DPYS: variants seen among roughly 807,000 people sequenced by gnomAD.
DPYS encodes the protein dihydropyrimidine amidohydrolase.
A neutral mutation model predicts 50.3 loss-of-function variants in DPYS; 39 were observed. That is an observed-to-expected ratio of 0.78 (90% confidence interval 0.60 to 1.01). The LOEUF (loss-of-function observed/expected upper bound fraction) is 1.01, where lower values mean the gene tolerates loss of function less well. Among genes scored for constraint, DPYS ranks in the 50% least tolerant of loss-of-function variants. The probability of loss-of-function intolerance (pLI) is 0.00; values close to 1 mark genes in which losing one functional copy is unlikely to be tolerated. For synonymous variants in DPYS, 245 were observed against 250.7 expected, an observed-to-expected ratio of 0.98 and a Z score of 0.22; for missense variants, 659 against 680.9, an observed-to-expected ratio of 0.97 and a Z score of 0.36.
Position 104,444,415 on chromosome 8 carries a change from A to C in DPYS, c.626T>G (p.Leu209Arg). 6.2e-7 allele frequency: 1 copy of C among 1,614,212 alleles called. No individual in the cohort carries two copies. Among genetic ancestry groups the C allele is most frequent in the South Asian group, 1.1e-5 (1 of 91,086 alleles). Residue 209 changes from leucine to arginine, a missense_variant, in exon 4 of 10, where the codon CTG (leucine) becomes CGG (arginine). Transcript: ENST00000351513. Reference sequence around the variant, plus strand: ...GTGGCCCTCAGGGCCTGTTATCCCCAGAGCCAACATCTTCTTTGCTCCCTA... The same window carrying C: ...GTGGCCCTCAGGGCCTGTTATCCCCCGAGCCAACATCTTCTTTGCTCCCTA... ...IAEGAKKMLALGITGPEGHEL... is the reference protein window; with the variant it reads ...IAEGAKKMLARGITGPEGHEL...
At chr8:104,438,443 G>T (rs1429123956) in intron 4 of DPYS, among the ~76,000 whole-genome samples, 2 of 152,214 alleles carry the variant, frequency 1.3e-5, no homozygotes, top group South Asian at 4.2e-4. Context: ...CTAAAATAAG[G>T]CATGCTTTTG....
At chr8:104,432,408 G>A (rs570826830) in intron 4 of DPYS, among the ~76,000 whole-genome samples, 1 of 152,306 alleles carries the variant, frequency 6.6e-6, no homozygotes, top group East Asian at 1.9e-4. Flanking sequence ...GGATCTGCAA[G>A]CAACGCTAAA....
At chr8:104,427,510 C>A (rs906101872) in intron 6 of DPYS, among the ~76,000 whole-genome samples, 2 of 151,890 alleles carry the variant, frequency 1.3e-5, no homozygotes, top group Non-Finnish European at 2.9e-5. Context: ...AACTCCTGAC[C>A]TCAAGTGATC....
At chr8:104,393,058 TAAAA>T (rs1811453311) in intron 7 of DPYS, 67 bp from the exon 8 acceptor site, 2 of 1,458,088 alleles carry the variant, frequency 1.4e-6, no homozygotes, top group Non-Finnish European at 1.9e-6. Flanking sequence ...TATAAAATAT[TAAAA>T]GAAGAATGAC....
chr8:104,457,675 T>C (rs984732525), intron 1 of DPYS, among the ~76,000 whole-genome samples: 4 of 152,214 alleles, frequency 2.6e-5, no homozygotes, highest in African/African-American at 9.6e-5. Context: ...CGTGGCTGAA[T>C]TTCTAGCTCT....
rs140224596 is a variant in DPYS at position 104,461,758 on chromosome 8, T to C, written c.264+4899A>G. 9.2e-5 allele frequency among the ~76,000 whole-genome samples: 14 copies of C among 152,290 alleles called. No individual in the cohort carries two copies. The East Asian group carries it at 2.7e-3, about 29-fold the overall frequency. On this transcript the variant is annotated intron_variant, in intron 1 of 9. Transcript: ENST00000351513. Reference sequence around the variant, plus strand: ...GAGACAGGCAGAAATTGAGGCCTGATGCTTAAGGAATATGCAGGCTGGAGA... The same window carrying C: ...GAGACAGGCAGAAATTGAGGCCTGACGCTTAAGGAATATGCAGGCTGGAGA...
At chr8:104,418,037 G>A (rs570519549) in intron 7 of DPYS, among the ~76,000 whole-genome samples, 21 of 152,292 alleles carry the variant, frequency 1.4e-4, no homozygotes, top group Non-Finnish European at 2.4e-4. Context: ...GCATACTTAC[G>A]TCTACATGCC....
intron 8 of DPYS, among the ~76,000 whole-genome samples, chr8:104,382,160 C>T (rs74743202): frequency 0.066 from 9,981 of 152,212 alleles, 385 homozygotes; most frequent in African/African-American, 0.1. Context: ...ATTTACTGAG[C>T]TCACACAGCC....
At chr8:104,409,944 T>C (rs1008001446) in intron 7 of DPYS, among the ~76,000 whole-genome samples, 4 of 152,202 alleles carry the variant, frequency 2.6e-5, no homozygotes, top group Admixed American at 6.5e-5. Flanking sequence ...CCCTTAACCA[T>C]TGGGCCTAAT....
rs75490773 is a variant in DPYS at position 104,392,877 on chromosome 8, G to A, written c.1350C>T (p.Ala450=). The change falls in exon 8 of 10, where the codon GCC becomes GCT. Residue 450 remains alanine (A), a synonymous_variant. Transcript: ENST00000351513. ...TISRGKVVYE[A]GVFSVTAGDG... ...CTCCTGCCGTGACACTGAACACTCCGGCTTCATATACCACTTTGCCTCTTG... is the reference window on the plus strand; with the variant it reads ...CTCCTGCCGTGACACTGAACACTCCAGCTTCATATACCACTTTGCCTCTTG... 1.4e-3 allele frequency: 2,237 copies of A among 1,614,146 alleles called. 28 individuals carry two copies. The African/African-American group carries it at 0.025, about 18-fold the overall frequency.
intron 7 of DPYS, among the ~76,000 whole-genome samples, chr8:104,405,684 T>C (rs1000278645): frequency 6.6e-6 from 1 of 152,348 alleles, no homozygotes; most frequent in South Asian, 2.1e-4. Context: ...CTGGCGCTAA[T>C]GTAGTCACTG....
chr8:104,453,753 C>A lies in DPYS; in HGVS notation c.265-2349G>T, dbSNP rs568366662. On this transcript the variant is annotated intron_variant, in intron 1 of 9. Coordinates refer to ENST00000351513, the MANE Select transcript of DPYS (RefSeq NM_001385.3). ...AAGACTTGCACATGAATATTCACAG[C>A]AGCATGATCCATGGTAGCCAAAAAG... is the stretch of plus-strand genomic sequence containing the variant. Among the ~76,000 whole-genome samples the A allele has an allele frequency of 2.0e-5, 3 of 152,310 alleles. No individual in the cohort carries two copies. The South Asian group carries it at 6.2e-4, about 32-fold the overall frequency.
chr8:104,405,051 G>A (rs1481911668), intron 7 of DPYS, among the ~76,000 whole-genome samples: 1 of 152,130 alleles, frequency 6.6e-6, no homozygotes, highest in Non-Finnish European at 1.5e-5. Context: ...CGACAGGCAA[G>A]GACCTAAAAG....
intron 9 of DPYS, 33 bp from the exon 10 acceptor site, chr8:104,379,876 A>G (rs944115130): frequency 2.2e-6 from 1 of 455,732 alleles, no homozygotes; most frequent in African/African-American, 2.0e-5. Context: ...TCACTGTAAC[A>G]TTCTCCCTCA....
intron 4 of DPYS, among the ~76,000 whole-genome samples, chr8:104,441,269 G>T (rs912815452): frequency 7.9e-5 from 12 of 152,254 alleles, no homozygotes; most frequent in Non-Finnish European, 1.2e-4. Context: ...GGGAAAATAT[G>T]AGCAATGTCC....
chr8:104,393,319 A>G (rs1811462992), intron 7 of DPYS, among the ~76,000 whole-genome samples: 1 of 152,122 alleles, frequency 6.6e-6, no homozygotes, highest in South Asian at 2.1e-4. Flanking sequence ...TTCATTTTTA[A>G]ATTATAAAAT....
chr8:104,441,808 G>C (rs1813366138), intron 4 of DPYS, among the ~76,000 whole-genome samples: 1 of 152,192 alleles, frequency 6.6e-6, no homozygotes, highest in African/African-American at 2.4e-5. Context: ...CTAAAGATTG[G>C]AAACAACCCA....
intron 8 of DPYS, 30 bp from the exon 9 acceptor site, chr8:104,381,344 T>G (rs1368440976): frequency 6.2e-7 from 1 of 1,601,398 alleles, no homozygotes; most frequent in Middle Eastern, 1.7e-4. Flanking sequence ...TTCTCTCTTG[T>G]GGTTTATTTT....
At chr8:104,417,496 T>C (rs1175866790) in intron 7 of DPYS, among the ~76,000 whole-genome samples, 1 of 152,208 alleles carries the variant, frequency 6.6e-6, no homozygotes, top group Non-Finnish European at 1.5e-5. Context: ...GAAAAGCATG[T>C]TCCTGATTTC....
Sources: gnomAD v4.1 joint callset for allele counts (sites outside exome capture counted in the v4.1 genomes callset) on GRCh38, gnomAD v4.1.1 for gene constraint, MANE v1.5 for transcripts, NCBI Gene and HGNC (gene_info 2026-07-23, HGNC 2026-07-21) for gene names.